The following PID1 variants were observed in gnomAD, a reference collection of about 807,000 sequenced individuals.
The protein encoded by PID1 is phosphotyrosine interaction domain containing 1.
A neutral mutation model predicts 19.1 loss-of-function variants in PID1; 10 were observed. The observed-to-expected ratio is 0.52, with a 90% CI of 0.32 to 0.89. The LOEUF is 0.89. Ranked by LOEUF, PID1 falls within the 40% of genes least tolerant of loss-of-function variation. PID1 has a pLI of 0.03. For missense variants in PID1, 248 were observed against 285.3 expected (o/e 0.87, Z 0.94); for synonymous variants, 130 against 116.0 (o/e 1.12, Z -0.78).
chr2:229,243,797 A>C (rs1689934088), intron 1 of PID1, among the ~76,000 whole-genome samples: 1 of 152,188 alleles, frequency 6.6e-6, no homozygotes, highest in Non-Finnish European at 1.5e-5. Flanking sequence ...CTCCAATACC[A>C]AGAGAAATGA....
At chr2:229,208,018 G>T (rs1691645889) in intron 1 of PID1, among the ~76,000 whole-genome samples, 1 of 152,062 alleles carries the variant, frequency 6.6e-6, no homozygotes, top group Non-Finnish European at 1.5e-5. Flanking sequence ...GCAATAACTG[G>T]ATCCAAAGCA....
intron 2 of PID1, among the ~76,000 whole-genome samples, chr2:229,046,129 C>T (rs1693872368): frequency 6.6e-6 from 1 of 152,204 alleles, no homozygotes; most frequent in African/African-American, 2.4e-5. Context: ...CTGCTGGGAA[C>T]CATGCTGCAA....
intron 2 of PID1, among the ~76,000 whole-genome samples, chr2:229,026,670 C>T (rs998191176): frequency 2.6e-5 from 4 of 152,178 alleles, no homozygotes; most frequent in African/African-American, 9.7e-5. Flanking sequence ...TGATAGTTTT[C>T]CTTCCCAAGA....
chr2:229,080,176 A>G (rs1301961586), intron 2 of PID1, among the ~76,000 whole-genome samples: 1 of 152,198 alleles, frequency 6.6e-6, no homozygotes, highest in African/African-American at 2.4e-5. Context: ...AAGAATCAAC[A>G]AACAAAAATA....
intron 2 of PID1, among the ~76,000 whole-genome samples, chr2:229,148,799 G>A (rs1472506305): frequency 1.3e-5 from 2 of 150,442 alleles, no homozygotes; most frequent in African/African-American, 4.9e-5. Flanking sequence ...AGAGAGAGAG[G>A]AAAAATATTT....
chr2:229,161,097 T>C (rs1288172224), intron 1 of PID1, among the ~76,000 whole-genome samples: 2 of 152,166 alleles, frequency 1.3e-5, no homozygotes. Context: ...AGGCTGACCA[T>C]CTGAGTGTCT....
At chr2:229,185,307 A>T (rs1018851855) in intron 1 of PID1, among the ~76,000 whole-genome samples, 1 of 151,840 alleles carries the variant, frequency 6.6e-6, no homozygotes, top group Admixed American at 6.6e-5. Context: ...ATCTTGCCTC[A>T]TGTTTCTCTA....
chr2:229,175,732 C>A (rs1037882463), intron 1 of PID1, among the ~76,000 whole-genome samples: 2 of 152,186 alleles, frequency 1.3e-5, no homozygotes, highest in Non-Finnish European at 2.9e-5. Context: ...CTCCTACACA[C>A]CCAGCCCATG....
chr2:229,220,472 A>G (rs1329831709), intron 1 of PID1, among the ~76,000 whole-genome samples: 1 of 152,182 alleles, frequency 6.6e-6, no homozygotes, highest in Non-Finnish European at 1.5e-5. Context: ...CAGGACTCCA[A>G]CGGCCCATGC....
chr2:229,208,627 C>T lies in PID1; in HGVS notation c.31-52663G>A, dbSNP rs565806036. 9.8e-5 allele frequency among the ~76,000 whole-genome samples: 15 copies of T among 152,318 alleles called. No individual in the cohort carries two copies. In the East Asian group the frequency reaches 2.7e-3, roughly 27 times the overall value. The stretch of plus-strand genomic sequence containing the variant: ...TTTCCTTTCTGCCCTCCCTCCCTGC[C>T]TTCCTCTTTGTCTTCTTTCCTTCCA... On this transcript the variant is annotated intron_variant, in intron 1 of 2. Coordinates refer to ENST00000392055, the MANE Select transcript of PID1 (RefSeq NM_001100818.2).
At chr2:229,138,993 AAGAAAG>A (rs765483590) in intron 2 of PID1, among the ~76,000 whole-genome samples, 39 of 81,540 alleles carry the variant, frequency 4.8e-4, no homozygotes, top group Non-Finnish European at 7.9e-4. Context: ...GAAAGAAAGA[AAGAAAG>A]AAAGAAAGAA....
intron 2 of PID1, among the ~76,000 whole-genome samples, chr2:229,050,149 C>A (rs1237254934): frequency 6.6e-6 from 1 of 152,182 alleles, no homozygotes; most frequent in Non-Finnish European, 1.5e-5. Context: ...AACAGAAGCA[C>A]AATCCCTGGG....
chr2:229,266,044 G>A (rs1690584405), intron 1 of PID1, among the ~76,000 whole-genome samples: 1 of 152,186 alleles, frequency 6.6e-6, no homozygotes, highest in South Asian at 2.1e-4. Flanking sequence ...ATGTAAGATA[G>A]CATTTTATTC....
In PID1 at chr2:229,153,648, G is replaced by T. The variant is rs13033977; in HGVS notation, c.177+2170C>A. 1.3e-5 allele frequency among the ~76,000 whole-genome samples: 2 copies of T among 152,062 alleles called. 1 individual carries two copies. Among genetic ancestry groups the T allele is most frequent in the Admixed American group, 1.3e-4 (2 of 15,270 alleles). On this transcript the variant is annotated intron_variant, in intron 2 of 2. Transcript: ENST00000392055. ...TGAGTACAACCTAAGGCAGCACACA[G>T]AAAAAATTAGTCCATGAGACATGAA...
At chr2:229,207,497 G>T (rs2106246243) in intron 1 of PID1, among the ~76,000 whole-genome samples, 1 of 149,412 alleles carries the variant, frequency 6.7e-6, no homozygotes, top group African/African-American at 2.5e-5. Flanking sequence ...TTAGTAGCAT[G>T]GGTTGGATCT....
intron 1 of PID1, among the ~76,000 whole-genome samples, chr2:229,163,525 T>C (rs1478922681): frequency 1.3e-5 from 2 of 150,744 alleles, no homozygotes; most frequent in Non-Finnish European, 2.9e-5. Context: ...CTTCCCAGAG[T>C]CTCTCAAGTG....
At chr2:229,108,062 C>T (rs1276793485) in intron 2 of PID1, among the ~76,000 whole-genome samples, 1 of 151,988 alleles carries the variant, frequency 6.6e-6, no homozygotes, top group Non-Finnish European at 1.5e-5. Context: ...TTGACAAAAA[C>T]TGTACATGGT....
intron 2 of PID1, among the ~76,000 whole-genome samples, chr2:229,141,764 T>G (rs1398783658): frequency 6.6e-6 from 1 of 152,148 alleles, no homozygotes; most frequent in East Asian, 1.9e-4. Flanking sequence ...TTCCTGGATT[T>G]GGCTTCTGAA....
At chr2:229,099,349 C>T (rs992957539) in intron 2 of PID1, among the ~76,000 whole-genome samples, 3 of 152,136 alleles carry the variant, frequency 2.0e-5, no homozygotes, top group African/African-American at 7.2e-5. Context: ...TAATTTTCAT[C>T]AACCACTTTA....
Sources: gnomAD v4.1 joint callset for allele counts (sites outside exome capture counted in the v4.1 genomes callset) on GRCh38, gnomAD v4.1.1 for gene constraint, MANE v1.5 for transcripts, NCBI Gene and HGNC (gene_info 2026-07-23, HGNC 2026-07-21) for gene names.